UMPS: variants seen among roughly 807,000 people sequenced by gnomAD.
The protein encoded by UMPS is uridine 5'-monophosphate synthase.
In UMPS, 21 loss-of-function variants were observed where a neutral mutation model predicts 38.9. The observed-to-expected ratio is 0.54, with a 90% confidence interval of 0.38 to 0.78. The LOEUF is 0.78. Among genes scored for constraint, UMPS ranks in the 30% least tolerant of loss-of-function variants. The probability of loss-of-function intolerance (pLI) is 0.00; values close to 1 mark genes in which losing one functional copy is unlikely to be tolerated. For synonymous variants in UMPS, 208 were observed against 219.3 expected, an observed-to-expected ratio of 0.95 and a Z score of 0.45; for missense variants, 533 against 591.6, an observed-to-expected ratio of 0.90 and a Z score of 1.03.
chr3:124,744,589 T>C lies in UMPS; in HGVS notation c.*505T>C, dbSNP rs752750969. ...ACGTCCATCTAAATTTCTTTATTAT[T>C]TGTAGAGATGAGGTCTTGCCATGTT... On this transcript the variant is annotated 3_prime_UTR_variant, in exon 6 of 6. Coordinates refer to ENST00000232607, the MANE Select transcript of UMPS (RefSeq NM_000373.4). 1 of 453,880 alleles carries C rather than the reference T, an allele frequency of 2.2e-6. No individual in the cohort carries two copies. Among genetic ancestry groups the C allele is most frequent in the South Asian group, 1.6e-5 (1 of 64,438 alleles). The allele number at this position is 453,880 out of a possible 1,614,324, so 28.1% of individuals were successfully genotyped here. A position where few individuals can be genotyped will look rare whatever the true frequency, so the allele number is the denominator to read the frequency against.
chr3:124,740,018 T>C lies in UMPS; in HGVS notation c.983-6T>C, dbSNP rs536496177. ...AGCAAATATCTTTTTTCCCCCTTCT[T>C]CTTAGGAGGTATCTTTAAAATAGCT... On this transcript the variant is annotated splice_polypyrimidine_tract_variant and splice_region_variant and intron_variant, in intron 3 of 5. Transcript: ENST00000232607. 6.2e-7 allele frequency: 1 copy of C among 1,614,106 alleles called. No individual in the cohort carries two copies. The highest frequency in any genetic ancestry group is 2.2e-5 in the East Asian group (1 of 44,884).
In UMPS at chr3:124,745,641, G is replaced by A. The variant is rs571604392; in HGVS notation, c.*1557G>A. ...CCAGGGAAATGCTGTCTGTGGGAGAGACCAACTCTCAAGGAAGAAGTGGCC... is the reference window on the plus strand; with the variant it reads ...CCAGGGAAATGCTGTCTGTGGGAGAAACCAACTCTCAAGGAAGAAGTGGCC... On this transcript the variant is annotated 3_prime_UTR_variant, in exon 6 of 6. Coordinates refer to ENST00000232607, the MANE Select transcript of UMPS (RefSeq NM_000373.4). 1.9e-4 allele frequency: 85 copies of A among 454,068 alleles called. No individual in the cohort carries two copies. Among genetic ancestry groups the A allele is most frequent in the African/African-American group, 1.6e-3 (78 of 50,110 alleles). 28.1% of individuals were successfully genotyped at this position (454,068 alleles called of 1,614,324 possible). A position where few individuals can be genotyped will look rare whatever the true frequency, so the allele number is the denominator to read the frequency against.
intron 2 of UMPS, 73 bp downstream of exon 2, chr3:124,735,319 T>G (rs995005436): frequency 1.0e-5 from 14 of 1,375,744 alleles, no homozygotes; most frequent in Non-Finnish European, 1.4e-5. Flanking sequence ...TTTCCGCTTC[T>G]GTGCACTAAT....
At position 124,747,682 on chromosome 3, in the gene UMPS, C is replaced by G. The variant is rs886057892; in HGVS notation, c.*3598C>G. ...AGGGTGGTTTATTACACGGCAATAT[C>G]TAGCTAAATACATTTAACTTGCTGC... On this transcript the variant is annotated 3_prime_UTR_variant, in exon 6 of 6. Coordinates refer to ENST00000232607, the MANE Select transcript of UMPS (RefSeq NM_000373.4). 7.7e-5 allele frequency: 35 copies of G among 453,502 alleles called. No individual in the cohort carries two copies. Among genetic ancestry groups the G allele is most frequent in the Non-Finnish European group, 1.1e-4 (25 of 226,362 alleles). The allele number at this position is 453,502 out of a possible 1,614,324, so 28.1% of individuals were successfully genotyped here. A position where few individuals can be genotyped will look rare whatever the true frequency, so the allele number is the denominator to read the frequency against.
Position 124,749,055 on chromosome 3 carries a change from C to A in UMPS, c.*4971C>A, listed in dbSNP as rs960859154. 1 of 454,082 alleles carries A rather than the reference C, an allele frequency of 2.2e-6. No individual in the cohort carries two copies. The highest frequency in any genetic ancestry group is 1.6e-5 in the South Asian group (1 of 64,470). The allele number at this position is 454,082 out of a possible 1,614,324, so 28.1% of individuals were successfully genotyped here. A position where few individuals can be genotyped will look rare whatever the true frequency, so the allele number is the denominator to read the frequency against. On this transcript the variant is annotated 3_prime_UTR_variant, in exon 6 of 6. Coordinates refer to ENST00000232607, the MANE Select transcript of UMPS (RefSeq NM_000373.4). Reference sequence around the variant, plus strand: ...CCAATGTCCCAACACTGCATTGTCTCCCTGCACTTAGCAGCCCTGCAGGGT... The same window carrying A: ...CCAATGTCCCAACACTGCATTGTCTACCTGCACTTAGCAGCCCTGCAGGGT...
In UMPS at chr3:124,746,848, T is replaced by A. The variant is rs1255381968; in HGVS notation, c.*2764T>A. On this transcript the variant is annotated 3_prime_UTR_variant, in exon 6 of 6. Coordinates refer to ENST00000232607, the MANE Select transcript of UMPS (RefSeq NM_000373.4). Reference sequence around the variant, plus strand: ...AACCTAAGAAACTATTTGGTGCACTTCCTCTTATTTTAGAGCTCCCAAAGT... The same window carrying A: ...AACCTAAGAAACTATTTGGTGCACTACCTCTTATTTTAGAGCTCCCAAAGT... 8.8e-6 allele frequency: 4 copies of A among 452,282 alleles called. No individual in the cohort carries two copies. The highest frequency in any genetic ancestry group is 1.8e-5 in the Non-Finnish European group (4 of 225,912). 28.0% of individuals were successfully genotyped at this position (452,282 alleles called of 1,614,324 possible).
rs1444259223 is a variant in UMPS at position 124,746,481 on chromosome 3, G to T, written c.*2397G>T. On this transcript the variant is annotated 3_prime_UTR_variant, in exon 6 of 6. Transcript: ENST00000232607. ...CTGGCATCAAAGCTTTAGAGGACAA[G>T]TTGATTCAGGCAGAGAAGAACTTGG... 4.4e-6 allele frequency: 2 copies of T among 452,282 alleles called. No individual in the cohort carries two copies. Among genetic ancestry groups the T allele is most frequent in the Admixed American group, 4.7e-5 (2 of 42,528 alleles). The allele number at this position is 452,282 out of a possible 1,614,324, so 28.0% of individuals were successfully genotyped here.
intron 5 of UMPS, among the ~76,000 whole-genome samples, chr3:124,743,375 T>C (rs1175574382): frequency 2.7e-5 from 4 of 150,252 alleles, no homozygotes; most frequent in Non-Finnish European, 4.4e-5. Context: ...CAGTAGCTCA[T>C]GCCTGTAATC....
In UMPS at chr3:124,746,015, G is replaced by A. The variant is rs143926148; in HGVS notation, c.*1931G>A. ...CCAAAAAGGTCCCAGGTGATGCTGC[G>A]GTTGCCTGCGCAGGGACTGGACTTT... is the stretch of plus-strand genomic sequence containing the variant. On this transcript the variant is annotated 3_prime_UTR_variant, in exon 6 of 6. Coordinates refer to ENST00000232607, the MANE Select transcript of UMPS (RefSeq NM_000373.4). The A allele has an allele frequency of 1.0e-3, 474 of 454,112 alleles. 3 individuals are homozygous for A. Among genetic ancestry groups the A allele is most frequent in the African/African-American group, 8.0e-3 (401 of 50,116 alleles). The allele number at this position is 454,112 out of a possible 1,614,324, so 28.1% of individuals were successfully genotyped here.
rs781243005 is a variant in UMPS at position 124,730,512 on chromosome 3, G to C, written c.41G>C (p.Gly14Ala). The change falls in exon 1 of 6, where the codon GGT (glycine) becomes GCT (alanine). Residue 14 changes from glycine (G) to alanine (A), a missense_variant. Transcript: ENST00000232607. ...ARAALGPLVT[G>A]LYDVQAFKFG... ...GCAGCTTTGGGGCCATTGGTGACGG[G>C]TCTGTACGACGTGCAGGCTTTCAAG... is the stretch of plus-strand genomic sequence containing the variant. 3.0e-5 allele frequency: 48 copies of C among 1,614,206 alleles called. No homozygotes were observed. The South Asian group carries it at 5.2e-4, about 17-fold the overall frequency.
intron 1 of UMPS, among the ~76,000 whole-genome samples, chr3:124,732,217 C>A (rs9844948): frequency 0.17 from 26,180 of 152,150 alleles, 2,468 homozygotes; most frequent in Admixed American, 0.25. Context: ...GGCAACTACT[C>A]ATATTAATTT....
intron 5 of UMPS, 147 bp from the exon 6 acceptor site, chr3:124,743,768 G>A (rs1037428500): frequency 1.1e-6 from 1 of 931,148 alleles, no homozygotes; most frequent in Non-Finnish European, 1.6e-6. Flanking sequence ...TTCAGCTCCT[G>A]TTTTTACGCA....
chr3:124,747,485 C>T lies in UMPS; in HGVS notation c.*3401C>T, dbSNP rs2063611865. On this transcript the variant is annotated 3_prime_UTR_variant, in exon 6 of 6. Coordinates refer to ENST00000232607, the MANE Select transcript of UMPS (RefSeq NM_000373.4). Reference sequence around the variant, plus strand: ...CGTGTTTCTGCTCACCCCTCTCTGGCTTCTGCCACCACATGGGAAGAATAT... The same window carrying T: ...CGTGTTTCTGCTCACCCCTCTCTGGTTTCTGCCACCACATGGGAAGAATAT... 2.2e-6 allele frequency: 1 copy of T among 454,160 alleles called. No individual in the cohort carries two copies. The highest frequency in any genetic ancestry group is 1.6e-5 in the South Asian group (1 of 64,480). The allele number at this position is 454,160 out of a possible 1,614,324, so 28.1% of individuals were successfully genotyped here.
chr3:124,749,111 A>G lies in UMPS; in HGVS notation c.*5027A>G, dbSNP rs886057899. 5 of 453,998 alleles carry G rather than the reference A, an allele frequency of 1.1e-5. No individual in the cohort carries two copies. Among genetic ancestry groups the G allele is most frequent in the African/African-American group, 2.0e-5 (1 of 50,002 alleles). 28.1% of individuals were successfully genotyped at this position (453,998 alleles called of 1,614,324 possible). On this transcript the variant is annotated 3_prime_UTR_variant, in exon 6 of 6. Coordinates refer to ENST00000232607, the MANE Select transcript of UMPS (RefSeq NM_000373.4). ...TTGGGGAGGATCCTGAAATGATTGT[A>G]TTTAACAAGACATGCTGTCCTTGTT... is the stretch of plus-strand genomic sequence containing the variant.
Position 124,745,634 on chromosome 3 carries a change from T to G in UMPS, c.*1550T>G, listed in dbSNP as rs996046162. On this transcript the variant is annotated 3_prime_UTR_variant, in exon 6 of 6. Transcript: ENST00000232607. ...TGCATCTCCAGGGAAATGCTGTCTG[T>G]GGGAGAGACCAACTCTCAAGGAAGA... 12 of 453,954 alleles carry G rather than the reference T, an allele frequency of 2.6e-5. No individual in the cohort carries two copies. The highest frequency in any genetic ancestry group is 2.2e-4 in the African/African-American group (11 of 49,994). 28.1% of individuals were successfully genotyped at this position (453,954 alleles called of 1,614,324 possible).
At position 124,737,568 on chromosome 3, in the gene UMPS, G is replaced by C; in HGVS notation, c.311G>C (p.Gly104Ala). 1.2e-6 allele frequency: 2 copies of C among 1,614,044 alleles called. No homozygotes were observed. The highest frequency in any genetic ancestry group is 1.7e-6 in the Non-Finnish European group (2 of 1,180,008). Reference protein sequence around the residue: ...LIRRKETKDYGTKRLVEGTIN... With the variant: ...LIRRKETKDYATKRLVEGTIN... Reference sequence around the variant, plus strand: ...ATCAGCAAAATTTTTTCTTTTCTAGGAACTAAGCGTCTTGTAGAAGGAACT... The same window carrying C: ...ATCAGCAAAATTTTTTCTTTTCTAGCAACTAAGCGTCTTGTAGAAGGAACT... The change falls in exon 3 of 6, where the codon GGA (glycine) becomes GCA (alanine). Residue 104 changes from glycine (G) to alanine (A), a missense_variant and splice_region_variant. Transcript: ENST00000232607.
At position 124,747,253 on chromosome 3, in the gene UMPS, ACAG is replaced by A; in HGVS notation, c.*3173_*3175del. 2.2e-6 allele frequency: 1 copy of A among 448,086 alleles called. No individual in the cohort carries two copies. The highest frequency in any genetic ancestry group is 4.5e-6 in the Non-Finnish European group (1 of 223,384). The allele number at this position is 448,086 out of a possible 1,614,324, so 27.8% of individuals were successfully genotyped here. The stretch of plus-strand genomic sequence containing the variant: ...CTCACTGTGACTCAGTGTGTGCCCG[ACAG>A]CAGAGCCCACACCACTCCAGTTGCA... On this transcript the variant is annotated 3_prime_UTR_variant, in exon 6 of 6. Transcript: ENST00000232607.
Position 124,746,433 on chromosome 3 carries a change from T to C in UMPS, c.*2349T>C, listed in dbSNP as rs2063598358. The C allele has an allele frequency of 4.4e-6, 2 of 454,030 alleles. No homozygotes were observed. Among genetic ancestry groups the C allele is most frequent in the African/African-American group, 2.0e-5 (1 of 50,008 alleles). 28.1% of individuals were successfully genotyped at this position (454,030 alleles called of 1,614,324 possible). On this transcript the variant is annotated 3_prime_UTR_variant, in exon 6 of 6. Coordinates refer to ENST00000232607, the MANE Select transcript of UMPS (RefSeq NM_000373.4). Reference sequence around the variant, plus strand: ...AAGAGTCAGCCCAGTACTGCAGGCCTCTTACCTAAGCAGAATCCCAGTCTG... The same window carrying C: ...AAGAGTCAGCCCAGTACTGCAGGCCCCTTACCTAAGCAGAATCCCAGTCTG...
chr3:124,748,852 G>C lies in UMPS; in HGVS notation c.*4768G>C. Reference sequence around the variant, plus strand: ...CATTATAGAGAAGCTGAATTCTCCTGTTTTTCTGAAAAGGGCATGGGAGTT... The same window carrying C: ...CATTATAGAGAAGCTGAATTCTCCTCTTTTTCTGAAAAGGGCATGGGAGTT... On this transcript the variant is annotated 3_prime_UTR_variant, in exon 6 of 6. Transcript: ENST00000232607. The C allele has an allele frequency of 2.4e-6, 1 of 416,138 alleles. No homozygotes were observed. Among genetic ancestry groups the C allele is most frequent in the Non-Finnish European group, 4.8e-6 (1 of 209,204 alleles). 25.8% of individuals were successfully genotyped at this position (416,138 alleles called of 1,614,324 possible). A position where few individuals can be genotyped will look rare whatever the true frequency, so the allele number is the denominator to read the frequency against.
Sources: allele counts gnomAD v4.1 joint callset (sites outside exome capture counted in the v4.1 genomes callset), GRCh38; gene constraint gnomAD v4.1.1; transcripts MANE v1.5; gene names NCBI Gene and HGNC (gene_info 2026-07-23, HGNC 2026-07-21).